The following EFHB variants were observed in gnomAD, a reference collection of about 807,000 sequenced individuals.
EFHB encodes the protein EF-hand domain-containing family member B.
Under a neutral mutation model 87.2 loss-of-function variants are expected in EFHB, and 91 were observed. The ratio of observed to expected loss-of-function variants is 1.04; its 90% confidence interval spans 0.88 to 1.24. The LOEUF is 1.24. EFHB is among the 50% of genes most tolerant of loss of function. The probability of loss-of-function intolerance (pLI) is 0.00; values close to 1 mark genes in which losing one functional copy is unlikely to be tolerated. For synonymous variants in EFHB, 325 were observed against 333.6 expected, an observed-to-expected ratio of 0.97 and a Z score of 0.28; for missense variants, 1,084 against 998.8, an observed-to-expected ratio of 1.09 and a Z score of -1.15.
At chr3:19,897,174 A>G (rs535265651) in intron 8 of EFHB, among the ~76,000 whole-genome samples, 66 of 152,346 alleles carry the variant, frequency 4.3e-4, no homozygotes, top group African/African-American at 1.6e-3. Flanking sequence ...CCATTTGTCT[A>G]CAGTGCTGAG....
chr3:19,885,652 A>T (rs1391283390), intron 10 of EFHB, among the ~76,000 whole-genome samples: 1 of 152,218 alleles, frequency 6.6e-6, no homozygotes, highest in Non-Finnish European at 1.5e-5. Flanking sequence ...TTGCAAAGGC[A>T]AGTGACCTGC....
intron 9 of EFHB, chr3:19,894,760 G>T (rs1694417041): frequency 6.6e-6 from 1 of 152,170 alleles, no homozygotes; most frequent in African/African-American, 2.4e-5. Flanking sequence ...GCCGAGGCAG[G>T]TGGATGACCT....
chr3:19,934,101 A>C lies in EFHB; in HGVS notation c.-83T>G. The C allele has an allele frequency of 6.7e-7, 1 of 1,482,014 alleles. No individual in the cohort carries two copies. 91.8% of individuals were successfully genotyped at this position (1,482,014 alleles called of 1,614,324 possible). ...GTACCTGGCTACAAAGACGCCTCCAATCCCTTGCGGAACCCCTCTCTCAGG... is the reference window on the plus strand; with the variant it reads ...GTACCTGGCTACAAAGACGCCTCCACTCCCTTGCGGAACCCCTCTCTCAGG... On this transcript the variant is annotated 5_prime_UTR_variant, in exon 1 of 13. Transcript: ENST00000295824.
intron 4 of EFHB, 92 bp downstream of exon 4, chr3:19,918,140 C>T: frequency 7.8e-7 from 1 of 1,281,266 alleles, no homozygotes; most frequent in Non-Finnish European, 1.1e-6. Flanking sequence ...TACACCATCA[C>T]CAAACATCAT....
intron 9 of EFHB, 128 bp from the exon 10 acceptor site, chr3:19,888,779 A>G: frequency 1.3e-6 from 1 of 786,014 alleles, no homozygotes; most frequent in Non-Finnish European, 2.0e-6. Context: ...CAATTTTCAC[A>G]GAAGAGGAGT....
chr3:19,936,873 T>TAATAAATA (rs71634883), upstream of EFHB, among the ~76,000 whole-genome samples: 5,789 of 136,608 alleles, frequency 0.042, 136 homozygotes, highest in Middle Eastern at 0.092. Flanking sequence ...CATCTCAAAA[T>TAATAAATA]AATAAATAAA....
intron 1 of EFHB, among the ~76,000 whole-genome samples, chr3:19,930,716 C>T (rs891893009): frequency 5.9e-5 from 9 of 152,170 alleles, no homozygotes; most frequent in South Asian, 2.1e-4. Flanking sequence ...AAATGATCTT[C>T]GCACCTCTCC....
At chr3:19,889,027 T>C (rs1213829881) in intron 9 of EFHB, among the ~76,000 whole-genome samples, 1 of 152,204 alleles carries the variant, frequency 6.6e-6, no homozygotes, top group African/African-American at 2.4e-5. Flanking sequence ...TCAAAGACAG[T>C]GGTCTGGTTT....
At chr3:19,936,113 G>A (rs568326648), upstream of EFHB, 241 of 1,389,624 alleles carry the variant, frequency 1.7e-4, no homozygotes, top group Non-Finnish European at 2.2e-4. Context: ...TTTTAAAAGT[G>A]TGTAGGGGTC....
At chr3:19,897,473 G>A (rs950564326) in intron 8 of EFHB, among the ~76,000 whole-genome samples, 2 of 152,148 alleles carry the variant, frequency 1.3e-5, no homozygotes, top group Middle Eastern at 3.4e-3. Context: ...GGTGGATATC[G>A]CCAGAGGAGA....
Position 19,926,925 on chromosome 3 carries a change from G to A in EFHB, c.789+6305C>T, listed in dbSNP as rs1284954286. Among the ~76,000 whole-genome samples, 5 of 152,250 alleles carry A rather than the reference G, an allele frequency of 3.3e-5. No individual in the cohort carries two copies. In the East Asian group the frequency reaches 7.7e-4, roughly 24 times the overall value. On this transcript the variant is annotated intron_variant, in intron 1 of 12. Coordinates refer to ENST00000295824, the MANE Select transcript of EFHB (RefSeq NM_144715.4). ...TCCACCCGCCTCGGCCTCCCAAAGT[G>A]CTGGGATTACAGGCATGAGCCACCC... is the stretch of plus-strand genomic sequence containing the variant.
chr3:19,930,865 G>T (rs930098044), intron 1 of EFHB, among the ~76,000 whole-genome samples: 20 of 152,214 alleles, frequency 1.3e-4, no homozygotes, highest in African/African-American at 4.6e-4. Flanking sequence ...GGGCGTGGTG[G>T]CTCATGCCTG....
chr3:19,891,733 T>C (rs1038668816), intron 9 of EFHB, among the ~76,000 whole-genome samples: 1 of 152,168 alleles, frequency 6.6e-6, no homozygotes, highest in Non-Finnish European at 1.5e-5. Flanking sequence ...TTCATGTAGA[T>C]ACTCACCATA....
At chr3:19,919,459 A>G (rs1258438631) in intron 3 of EFHB, among the ~76,000 whole-genome samples, 1 of 151,540 alleles carries the variant, frequency 6.6e-6, no homozygotes, top group African/African-American at 2.4e-5. Flanking sequence ...CCCCTGCCTC[A>G]GCCTCCCAAA....
chr3:19,938,864 G>A (rs1290028103), upstream of EFHB, among the ~76,000 whole-genome samples: 5 of 152,056 alleles, frequency 3.3e-5, no homozygotes, highest in Non-Finnish European at 5.9e-5. Context: ...CCCAGGGCGT[G>A]TAGTTCCACT....
At chr3:19,914,090 C>T (rs527357300) in intron 5 of EFHB, among the ~76,000 whole-genome samples, 5 of 152,240 alleles carry the variant, frequency 3.3e-5, no homozygotes, top group South Asian at 4.1e-4. Context: ...ACTACAGACA[C>T]GCACCACCAT....
chr3:19,893,361 A>G (rs1694370039), intron 9 of EFHB, among the ~76,000 whole-genome samples: 1 of 152,174 alleles, frequency 6.6e-6, no homozygotes, highest in South Asian at 2.1e-4. Flanking sequence ...ACCTTTCCAG[A>G]CAAAAGTTCT....
At chr3:19,900,802 G>A (rs1407048020) in intron 6 of EFHB, among the ~76,000 whole-genome samples, 4 of 151,992 alleles carry the variant, frequency 2.6e-5, no homozygotes, top group South Asian at 2.1e-4. Context: ...GGTGGAACAC[G>A]CCTGTAATCC....
At chr3:19,946,102 G>A (rs1696272997) in intron 1 of EFHB, 1 of 152,206 alleles carries the variant, frequency 6.6e-6, no homozygotes, top group Non-Finnish European at 1.5e-5. Context: ...CCCCCGTGGA[G>A]GGTAACGAAC....
Sources: gnomAD v4.1 joint callset for allele counts (sites outside exome capture counted in the v4.1 genomes callset) on GRCh38, gnomAD v4.1.1 for gene constraint, MANE v1.5 for transcripts, NCBI Gene and HGNC (gene_info 2026-07-23, HGNC 2026-07-21) for gene names.